The following ANKS1B variants were observed in gnomAD, a reference collection of about 807,000 sequenced individuals.
ANKS1B encodes ankyrin repeat and sterile alpha motif domain containing 1B.
In ANKS1B, 36 loss-of-function variants were observed where a neutral mutation model predicts 148.3. The ratio of observed to expected loss-of-function variants is 0.24; its 90% CI spans 0.19 to 0.32. The LOEUF (loss-of-function observed/expected upper bound fraction) is 0.32, where lower values mean the gene tolerates loss of function less well. ANKS1B is among the 10% of genes least tolerant of loss of function. The pLI, the probability that ANKS1B is intolerant of heterozygous loss-of-function variation, is 1.00. For synonymous variants in ANKS1B, 542 were observed against 560.8 expected, an observed-to-expected ratio of 0.97 and a Z score of 0.47; for missense variants, 1,157 against 1,542.6, an observed-to-expected ratio of 0.75 and a Z score of 4.19.
intron 17 of ANKS1B, among the ~76,000 whole-genome samples, chr12:98,868,096 G>A (rs2099634866): frequency 6.6e-6 from 1 of 152,110 alleles, no homozygotes; most frequent in African/African-American, 2.4e-5. Context: ...TCAAACCACT[G>A]ATTAAAACAC....
At chr12:98,960,281 CAGAGAG>C (rs139654884) in intron 17 of ANKS1B, among the ~76,000 whole-genome samples, 3 of 150,016 alleles carry the variant, frequency 2.0e-5, no homozygotes, top group African/African-American at 7.3e-5. Context: ...CAGCTCAGCA[CAGAGAG>C]AGAGAGAGAG....
intron 14 of ANKS1B, among the ~76,000 whole-genome samples, chr12:99,161,142 T>C (rs1416871262): frequency 6.6e-6 from 1 of 152,232 alleles, no homozygotes; most frequent in Non-Finnish European, 1.5e-5. Context: ...TTTAACCATA[T>C]TGATTCTTTC....
At chr12:98,756,379 C>T (rs1592797573) in intron 25 of ANKS1B, among the ~76,000 whole-genome samples, 1 of 152,032 alleles carries the variant, frequency 6.6e-6, no homozygotes, top group Non-Finnish European at 1.5e-5. Context: ...CCTCCCCAGC[C>T]ATGTGGAACT....
At chr12:98,912,102 G>A (rs1441761602) in intron 17 of ANKS1B, among the ~76,000 whole-genome samples, 1 of 152,184 alleles carries the variant, frequency 6.6e-6, no homozygotes. Flanking sequence ...TTTATTAAAT[G>A]TACTTACTTC....
chr12:99,880,591 G>A (rs541179357), intron 1 of ANKS1B, among the ~76,000 whole-genome samples: 2 of 152,284 alleles, frequency 1.3e-5, no homozygotes, highest in African/African-American at 2.4e-5. Context: ...TCTATGTACA[G>A]GTAGTAGTAT....
intron 8 of ANKS1B, among the ~76,000 whole-genome samples, chr12:99,660,414 A>G (rs551926303): frequency 7.3e-6 from 1 of 137,266 alleles, no homozygotes; most frequent in East Asian, 2.1e-4. Flanking sequence ...TCCAGGCTGC[A>G]GTGCAGTGGC....
At chr12:99,816,908 A>G (rs2069253308) in intron 2 of ANKS1B, among the ~76,000 whole-genome samples, 1 of 151,694 alleles carries the variant, frequency 6.6e-6, no homozygotes, top group Non-Finnish European at 1.5e-5. Flanking sequence ...TTGATACATA[A>G]TAGTTGTATA....
At chr12:99,663,508 A>G (rs56937901) in intron 8 of ANKS1B, among the ~76,000 whole-genome samples, 3,332 of 150,452 alleles carry the variant, frequency 0.022, 136 homozygotes, top group African/African-American at 0.08. Flanking sequence ...AAGCTGCAAC[A>G]TTTAAGTCTG....
chr12:99,210,427 T>C (rs2083200228), intron 14 of ANKS1B, among the ~76,000 whole-genome samples: 1 of 152,146 alleles, frequency 6.6e-6, no homozygotes, highest in African/African-American at 2.4e-5. Flanking sequence ...TTATAATCAG[T>C]AGCTTCTTCA....
At chr12:99,507,603 C>G (rs1425577730) in intron 9 of ANKS1B, among the ~76,000 whole-genome samples, 2 of 151,814 alleles carry the variant, frequency 1.3e-5, no homozygotes, top group Non-Finnish European at 2.9e-5. Context: ...AGTACTCCCT[C>G]TTCTGCTTCC....
chr12:98,765,665 G>A (rs151290663), intron 25 of ANKS1B, among the ~76,000 whole-genome samples: 16 of 150,718 alleles, frequency 1.1e-4, no homozygotes, highest in African/African-American at 3.4e-4. Context: ...TCCCAGGTTC[G>A]AGTGATTCTC....
At chr12:99,692,751 G>C (rs1327587636) in intron 8 of ANKS1B, among the ~76,000 whole-genome samples, 1 of 152,098 alleles carries the variant, frequency 6.6e-6, no homozygotes, top group African/African-American at 2.4e-5. Flanking sequence ...AGCTGATGGT[G>C]GGTTGTCGTT....
intron 14 of ANKS1B, among the ~76,000 whole-genome samples, chr12:99,218,464 T>C (rs1362473355): frequency 6.6e-6 from 1 of 152,208 alleles, no homozygotes; most frequent in Non-Finnish European, 1.5e-5. Context: ...TGTTTCTGTA[T>C]ACAGGCTCAG....
chr12:98,819,852 G>T (rs530623753), intron 19 of ANKS1B, among the ~76,000 whole-genome samples: 1 of 152,288 alleles, frequency 6.6e-6, no homozygotes, highest in East Asian at 1.9e-4. Flanking sequence ...CACAAATTTT[G>T]TGATCCTGCA....
intron 17 of ANKS1B, among the ~76,000 whole-genome samples, chr12:98,972,397 A>G (rs2099883950): frequency 6.6e-6 from 1 of 152,150 alleles, no homozygotes. Context: ...ATCAGTTTTC[A>G]AGTAGCTACT....
intron 12 of ANKS1B, among the ~76,000 whole-genome samples, chr12:99,301,072 C>T (rs890521565): frequency 6.6e-6 from 1 of 152,084 alleles, no homozygotes; most frequent in African/African-American, 2.4e-5. Flanking sequence ...TCCGAGAGTC[C>T]AAAGGCCCAA....
intron 12 of ANKS1B, among the ~76,000 whole-genome samples, chr12:99,384,438 C>T (rs980250582): frequency 6.6e-6 from 1 of 152,156 alleles, no homozygotes; most frequent in African/African-American, 2.4e-5. Flanking sequence ...ACGTGCAAAG[C>T]TTTATGCTAG....
intron 19 of ANKS1B, among the ~76,000 whole-genome samples, chr12:98,825,422 C>T (rs988209788): frequency 1.3e-5 from 2 of 151,956 alleles, no homozygotes; most frequent in African/African-American, 4.8e-5. Flanking sequence ...TCTTTAGTGC[C>T]CCCAGGTAAT....
intron 12 of ANKS1B, among the ~76,000 whole-genome samples, chr12:99,253,563 T>C (rs1443647192): frequency 3.3e-5 from 5 of 151,988 alleles, no homozygotes; most frequent in African/African-American, 9.7e-5. Flanking sequence ...CAAAAAAGGA[T>C]TTAGATAGAG....
Sources: gnomAD v4.1 joint callset for allele counts (sites outside exome capture counted in the v4.1 genomes callset) on GRCh38, gnomAD v4.1.1 for gene constraint, MANE v1.5 for transcripts, NCBI Gene and HGNC (gene_info 2026-07-23, HGNC 2026-07-21) for gene names.